DIAPH2: variants seen among roughly 807,000 people sequenced by gnomAD.
DIAPH2 encodes diaphanous related formin 2.
DIAPH2 carries 35 observed loss-of-function variants against 92.7 expected under a neutral mutation model. The observed-to-expected ratio is 0.38, with a 90% CI of 0.29 to 0.50. The LOEUF is 0.50. Ranked by LOEUF, DIAPH2 falls within the 20% of genes least tolerant of loss-of-function variation. The probability of loss-of-function intolerance (pLI) is 0.94; values close to 1 mark genes in which losing one functional copy is unlikely to be tolerated. For synonymous variants in DIAPH2, 301 were observed against 280.4 expected (o/e 1.07, Z -0.73); for missense variants, 701 against 819.5 (o/e 0.86, Z 1.77).
At chrX:97,043,467 GT>G (rs760731728) in intron 17 of DIAPH2, among the ~76,000 whole-genome samples, 105 of 110,670 alleles carry the variant, frequency 9.5e-4, no homozygotes, top group Non-Finnish European at 1.6e-3. Context: ...ATATTGCTCA[GT>G]TTTTGTCTGT....
intron 26 of DIAPH2, among the ~76,000 whole-genome samples, chrX:97,484,023 T>C (rs2070670266): frequency 8.9e-6 from 1 of 111,859 alleles, no homozygotes; most frequent in Admixed American, 9.6e-5. Flanking sequence ...AAATTCATTA[T>C]ACAATGTATA....
At chrX:96,813,891 C>A (rs923132053) in intron 4 of DIAPH2, among the ~76,000 whole-genome samples, 4 of 112,129 alleles carry the variant, frequency 3.6e-5, no homozygotes, top group Non-Finnish European at 5.6e-5. Flanking sequence ...GCTGAAAGAT[C>A]CACTGTCAGT....
Position 96,906,114 on chromosome X carries a change from G to A in DIAPH2, c.588-6214G>A, listed in dbSNP as rs180749637. Among the ~76,000 whole-genome samples, 147 of 112,326 alleles carry A rather than the reference G, an allele frequency of 1.3e-3. 1 individual carries two copies. The highest frequency in any genetic ancestry group is 4.6e-3 in the African/African-American group (143 of 30,948). On this transcript the variant is annotated intron_variant, in intron 5 of 26. Transcript: ENST00000324765. The stretch of plus-strand genomic sequence containing the variant: ...ACTGCACTCCAGCCTGGGAGGCAGC[G>A]AGACTCCGTCTCAAAAAACAAAAAA...
chrX:97,221,185 A>AT (rs1361960790), intron 22 of DIAPH2, among the ~76,000 whole-genome samples: 3 of 111,265 alleles, frequency 2.7e-5, no homozygotes, highest in African/African-American at 9.8e-5. Flanking sequence ...CTAAAGTCTT[A>AT]TTTTTGTCTA....
At chrX:96,989,821 T>G (rs1317544006) in intron 17 of DIAPH2, among the ~76,000 whole-genome samples, 1 of 111,967 alleles carries the variant, frequency 8.9e-6, no homozygotes, top group Non-Finnish European at 1.9e-5. Context: ...TTTATGATGT[T>G]TATCACTTCA....
intron 26 of DIAPH2, among the ~76,000 whole-genome samples, chrX:97,520,504 T>C (rs2070983575): frequency 8.9e-6 from 1 of 112,364 alleles, no homozygotes; most frequent in South Asian, 3.7e-4. Flanking sequence ...GATTTTAAAA[T>C]ATCTTCTAAT....
intron 24 of DIAPH2, among the ~76,000 whole-genome samples, chrX:97,382,566 C>T (rs886234505): frequency 2.7e-5 from 3 of 111,973 alleles, no homozygotes; most frequent in Non-Finnish European, 3.8e-5. Context: ...AGAAACCCTG[C>T]TTTAAAATTA....
chrX:96,981,186 A>G lies in DIAPH2; in HGVS notation c.2050+15979A>G, dbSNP rs1182173868. ...GAACCCTATCTCGGGAAAAAAAAAA[A>G]TTGTATACATAATCACATATTTTCT... is the stretch of plus-strand genomic sequence containing the variant. On this transcript the variant is annotated intron_variant, in intron 17 of 26. Transcript: ENST00000324765. Among the ~76,000 whole-genome samples, 5 of 109,675 alleles carry G rather than the reference A, an allele frequency of 4.6e-5. 1 individual carries two copies. The highest frequency in any genetic ancestry group is 3.8e-5 in the Non-Finnish European group (2 of 52,654).
At chrX:97,141,406 T>A in intron 21 of DIAPH2, among the ~76,000 whole-genome samples, 1 of 111,400 alleles carries the variant, frequency 9.0e-6, no homozygotes, top group Non-Finnish European at 1.9e-5. Flanking sequence ...AAAAGAATAG[T>A]TCATTTTGCC....
At chrX:96,814,459 A>G (rs186806364) in intron 4 of DIAPH2, among the ~76,000 whole-genome samples, 52 of 111,512 alleles carry the variant, frequency 4.7e-4, no homozygotes, top group African/African-American at 1.4e-3. Flanking sequence ...CTTCCTTGCA[A>G]TGGGTTCAAA....
At chrX:97,122,266 T>C (rs1031685786) in intron 21 of DIAPH2, among the ~76,000 whole-genome samples, 4 of 111,675 alleles carry the variant, frequency 3.6e-5, no homozygotes, top group African/African-American at 1.3e-4. Flanking sequence ...ATAGGAAGTT[T>C]CTCATCTTGT....
At chrX:97,157,687 G>T (rs774856330) in intron 22 of DIAPH2, among the ~76,000 whole-genome samples, 2 of 111,181 alleles carry the variant, frequency 1.8e-5, no homozygotes, top group African/African-American at 6.5e-5. Context: ...TCTTTCTTGC[G>T]CAAGATCCAA....
chrX:97,467,730 A>G (rs986471691), intron 26 of DIAPH2, among the ~76,000 whole-genome samples: 1 of 112,353 alleles, frequency 8.9e-6, no homozygotes. Context: ...GTTTTCATAT[A>G]CCAGAATTTA....
intron 17 of DIAPH2, among the ~76,000 whole-genome samples, chrX:96,975,423 C>T (rs914958500): frequency 8.9e-5 from 10 of 112,036 alleles, no homozygotes; most frequent in Middle Eastern, 9.1e-3. Flanking sequence ...TCAGAGTGCA[C>T]AGCCCTTGTA....
chrX:97,533,776 T>C (rs895438366), intron 26 of DIAPH2, among the ~76,000 whole-genome samples: 1 of 112,077 alleles, frequency 8.9e-6, no homozygotes, highest in African/African-American at 3.2e-5. Context: ...GATTCATTCC[T>C]GAACCAATCT....
At chrX:97,185,477 A>ATGTGTG (rs1245516161) in intron 22 of DIAPH2, among the ~76,000 whole-genome samples, 1 of 1,561 alleles carries the variant, frequency 6.4e-4, no homozygotes, top group Non-Finnish European at 2.1e-3. Flanking sequence ...ATATACACAT[A>ATGTGTG]TATATATATA....
chrX:97,178,443 CTTTTTTTTTT>C (rs766983375), intron 22 of DIAPH2, among the ~76,000 whole-genome samples: 1 of 67,289 alleles, frequency 1.5e-5, no homozygotes, highest in Admixed American at 1.6e-4. Flanking sequence ...CTATATTTCT[CTTTTTTTTTT>C]TTTTTTTTTT....
At chrX:97,384,775 A>G (rs2069583223) in intron 25 of DIAPH2, among the ~76,000 whole-genome samples, 1 of 110,555 alleles carries the variant, frequency 9.0e-6, no homozygotes, top group South Asian at 3.9e-4. Flanking sequence ...CTGAGGTGAG[A>G]GAATTGCTTG....
chrX:96,819,504 A>T lies in DIAPH2; in HGVS notation c.447+61246A>T, dbSNP rs2064763643. ...TCACAATTCATCATAAGTGGTCAAC[A>T]TTCTTGGCTGTCCATTTTTGCAGGG... is the stretch of plus-strand genomic sequence containing the variant. On this transcript the variant is annotated intron_variant, in intron 4 of 26. Transcript: ENST00000324765. Among the ~76,000 whole-genome samples, 3 of 112,171 alleles carry T rather than the reference A, an allele frequency of 2.7e-5. No homozygotes were observed. The South Asian group carries it at 1.1e-3, about 41-fold the overall frequency.
Sources: allele counts gnomAD v4.1 joint callset (sites outside exome capture counted in the v4.1 genomes callset), GRCh38; gene constraint gnomAD v4.1.1; transcripts MANE v1.5; gene names NCBI Gene and HGNC (gene_info 2026-07-23, HGNC 2026-07-21).